ATF7IP: variants seen among roughly 807,000 people sequenced by gnomAD.
ATF7IP encodes the protein activating transcription factor 7 interacting protein.
A neutral mutation model predicts 106.4 loss-of-function variants in ATF7IP; 23 were observed. That is an observed-to-expected ratio of 0.22 (90% CI 0.16 to 0.31). ATF7IP has a LOEUF of 0.31. ATF7IP is among the 10% of genes least tolerant of loss of function. The pLI is 1.00. For missense variants in ATF7IP, 1,334 were observed against 1,524.3 expected (o/e 0.88, Z 2.08); for synonymous variants, 542 against 539.0 (o/e 1.01, Z -0.08).
intron 1 of ATF7IP, among the ~76,000 whole-genome samples, chr12:14,402,859 A>G (rs1427645917): frequency 1.3e-5 from 2 of 152,100 alleles, no homozygotes; most frequent in Non-Finnish European, 2.9e-5. Context: ...CACCCTTCCA[A>G]AGTACTAGGA....
At chr12:14,433,670 CAA>C (rs928729826) in intron 2 of ATF7IP, among the ~76,000 whole-genome samples, 2 of 128,966 alleles carry the variant, frequency 1.6e-5, no homozygotes, top group African/African-American at 2.9e-5. Context: ...AACTCAGTCT[CAA>C]AAAAAAAAAA....
chr12:14,422,852 A>G (rs1183032265), intron 1 of ATF7IP, among the ~76,000 whole-genome samples: 1 of 152,186 alleles, frequency 6.6e-6, no homozygotes, highest in South Asian at 2.1e-4. Flanking sequence ...TAGTGCCTCT[A>G]TAGAGCATTT....
At chr12:14,387,251 T>TTCA (rs976829050) in intron 1 of ATF7IP, among the ~76,000 whole-genome samples, 53 of 152,296 alleles carry the variant, frequency 3.5e-4, no homozygotes, top group African/African-American at 1.3e-3. Context: ...AGGGATTCTA[T>TTCA]TCATCATTCC....
chr12:14,445,778 G>T (rs919163659), intron 5 of ATF7IP, among the ~76,000 whole-genome samples: 1 of 152,162 alleles, frequency 6.6e-6, no homozygotes, highest in African/African-American at 2.4e-5. Context: ...TTTATGAAAT[G>T]TATGCCCTTA....
intron 1 of ATF7IP, among the ~76,000 whole-genome samples, chr12:14,372,785 A>T (rs538052829): frequency 6.6e-6 from 1 of 152,228 alleles, no homozygotes; most frequent in East Asian, 1.9e-4. Flanking sequence ...TGTTGTTTGT[A>T]TAGCCCTATG....
At chr12:14,367,531 C>T (rs1235019381) in intron 1 of ATF7IP, 1 of 151,966 alleles carries the variant, frequency 6.6e-6, no homozygotes, top group African/African-American at 2.4e-5. Flanking sequence ...CAGGCATTTT[C>T]GAGTTGAACA....
chr12:14,397,748 A>G (rs1284184645), intron 1 of ATF7IP, among the ~76,000 whole-genome samples: 5 of 152,034 alleles, frequency 3.3e-5, no homozygotes, highest in Non-Finnish European at 5.9e-5. Context: ...TTTTCCTGAC[A>G]TTTCCTCATA....
At chr12:14,448,442 T>C (rs1943071187) in intron 6 of ATF7IP, among the ~76,000 whole-genome samples, 1 of 152,216 alleles carries the variant, frequency 6.6e-6, no homozygotes, top group South Asian at 2.1e-4. Flanking sequence ...TTTGATCACA[T>C]GTATAGATTT....
chr12:14,481,261 A>G, intron 13 of ATF7IP, 76 bp downstream of exon 13: 1 of 1,532,494 alleles, frequency 6.5e-7, no homozygotes, highest in Non-Finnish European at 8.8e-7. Flanking sequence ...GGCATATAAT[A>G]ATGTTAAATT....
intron 4 of ATF7IP, among the ~76,000 whole-genome samples, chr12:14,437,089 C>T (rs1400177759): frequency 2.0e-5 from 3 of 152,040 alleles, no homozygotes; most frequent in Admixed American, 1.3e-4. Context: ...ATTTAGAATA[C>T]GGAGTTTGAA....
At chr12:14,486,526 A>G (rs1944621158) in intron 13 of ATF7IP, among the ~76,000 whole-genome samples, 1 of 152,114 alleles carries the variant, frequency 6.6e-6, no homozygotes, top group Non-Finnish European at 1.5e-5. Flanking sequence ...AGGGGTTATA[A>G]TTCTCTTTTT....
intron 1 of ATF7IP, chr12:14,385,443 T>G (rs756217652): frequency 6.6e-7 from 1 of 1,517,244 alleles, no homozygotes; most frequent in South Asian, 1.2e-5. Flanking sequence ...TCTCATTTTT[T>G]TCTTTTTTAA....
At chr12:14,411,289 T>A (rs1940901465) in intron 1 of ATF7IP, among the ~76,000 whole-genome samples, 1 of 152,188 alleles carries the variant, frequency 6.6e-6, no homozygotes, top group Non-Finnish European at 1.5e-5. Flanking sequence ...CAATACTCAT[T>A]ATTCTTGTTG....
chr12:14,438,779 G>T (rs57981415), intron 5 of ATF7IP, among the ~76,000 whole-genome samples: 7,543 of 152,110 alleles, frequency 0.05, 642 homozygotes, highest in African/African-American at 0.17. Flanking sequence ...TACAAATAAG[G>T]TCACAGTCTG....
intron 12 of ATF7IP, 141 bp from the exon 13 acceptor site, chr12:14,480,859 TAGA>T: frequency 1.4e-6 from 1 of 690,790 alleles, no homozygotes; most frequent in Non-Finnish European, 2.4e-6. Context: ...ATTTTTATCT[TAGA>T]AGATCATAAA....
intron 2 of ATF7IP, among the ~76,000 whole-genome samples, chr12:14,426,809 G>A (rs1279187890): frequency 5.4e-5 from 4 of 74,288 alleles, no homozygotes; most frequent in Non-Finnish European, 9.5e-5. Context: ...GGGTGACAAA[G>A]TAAGACCCTG....
intron 1 of ATF7IP, among the ~76,000 whole-genome samples, chr12:14,401,654 C>G (rs1175816271): frequency 1.4e-5 from 2 of 138,162 alleles, no homozygotes; most frequent in East Asian, 4.2e-4. Context: ...AAACATTTTT[C>G]ATTACTTTTG....
At chr12:14,426,595 G>A (rs1941857824) in intron 2 of ATF7IP, among the ~76,000 whole-genome samples, 1 of 148,562 alleles carries the variant, frequency 6.7e-6, no homozygotes, top group Non-Finnish European at 1.5e-5. Context: ...GGGAGGCTGA[G>A]GCAGGCAGAT....
intron 1 of ATF7IP, among the ~76,000 whole-genome samples, chr12:14,408,156 A>T (rs1032878591): frequency 6.6e-6 from 1 of 152,002 alleles, no homozygotes; most frequent in Non-Finnish European, 1.5e-5. Context: ...ATATATGGAC[A>T]GTGGCATGTT....
Sources: allele counts gnomAD v4.1 joint callset (sites outside exome capture counted in the v4.1 genomes callset), GRCh38; gene constraint gnomAD v4.1.1; transcripts MANE v1.5; gene names NCBI Gene and HGNC (gene_info 2026-07-23, HGNC 2026-07-21).